Variants in KLHL14 observed in about 807,000 individuals in gnomAD.
KLHL14 encodes kelch like family member 14.
In KLHL14, 22 loss-of-function variants were observed where a neutral mutation model predicts 64.3. The observed-to-expected ratio is 0.34, with a 90% CI of 0.24 to 0.49. The LOEUF (loss-of-function observed/expected upper bound fraction) is 0.49, where lower values mean the gene tolerates loss of function less well. Ranked by LOEUF, KLHL14 falls within the 20% of genes least tolerant of loss-of-function variation. The pLI is 0.99. For missense variants in KLHL14, 661 were observed against 789.0 expected, an observed-to-expected ratio of 0.84 and a Z score of 1.94; for synonymous variants, 322 against 333.4, an observed-to-expected ratio of 0.97 and a Z score of 0.37.
intron 5 of KLHL14, among the ~76,000 whole-genome samples, chr18:32,682,532 G>A (rs577650669): frequency 6.6e-6 from 1 of 152,152 alleles, no homozygotes; most frequent in African/African-American, 2.4e-5. Context: ...ATTTTTTGGA[G>A]GAAGCTTTTT....
chr18:32,673,843 C>G lies in KLHL14; in HGVS notation c.*814G>C, dbSNP rs1011760344. 6.6e-6 allele frequency: 1 copy of G among 152,064 alleles called. No homozygotes were observed. Among genetic ancestry groups the G allele is most frequent in the African/African-American group, 2.4e-5 (1 of 41,408 alleles). The allele number at this position is 152,064 out of a possible 1,614,324, so 9.4% of individuals were successfully genotyped here. ...ATAGTATTGACTGAATTTGTCAATC[C>G]TGTCTTTTGAAGTAAATAACATGTG... On this transcript the variant is annotated 3_prime_UTR_variant, in exon 9 of 9. Transcript: ENST00000359358.
intron 3 of KLHL14, among the ~76,000 whole-genome samples, chr18:32,725,733 C>A (rs1312502047): frequency 6.6e-6 from 1 of 152,216 alleles, no homozygotes; most frequent in Non-Finnish European, 1.5e-5. Flanking sequence ...TTCAGAATAG[C>A]ATCTGCCTCT....
chr18:32,765,936 C>T (rs1404391477), intron 2 of KLHL14, among the ~76,000 whole-genome samples: 2 of 151,920 alleles, frequency 1.3e-5, no homozygotes, highest in African/African-American at 2.4e-5. Flanking sequence ...AACTACACTT[C>T]GATATGGAAC....
chr18:32,716,240 C>T (rs2050044549), intron 3 of KLHL14, among the ~76,000 whole-genome samples: 1 of 152,114 alleles, frequency 6.6e-6, no homozygotes, highest in Admixed American at 6.6e-5. Flanking sequence ...TCAGTTACCT[C>T]CTTTCAACCT....
chr18:32,721,359 T>C (rs2050079161), intron 3 of KLHL14, among the ~76,000 whole-genome samples: 1 of 152,204 alleles, frequency 6.6e-6, no homozygotes, highest in African/African-American at 2.4e-5. Context: ...GATACCCCTG[T>C]GCCACTTGTC....
rs2049801120 is a variant in KLHL14, at chr18:32,674,510, T to C, written c.*147A>G. ...GTATCTGTTCAAGAACAGGTCTCTT[T>C]CTTTTGTAGTTACTTATAAATCATC... On this transcript the variant is annotated 3_prime_UTR_variant, in exon 9 of 9. Transcript: ENST00000359358. 2 of 637,538 alleles carry C rather than the reference T, an allele frequency of 3.1e-6. No individual in the cohort carries two copies. The highest frequency in any genetic ancestry group is 4.8e-5 in the Admixed American group (2 of 42,006). The allele number at this position is 637,538 out of a possible 1,614,324, so 39.5% of individuals were successfully genotyped here.
At chr18:32,728,969 C>T (rs535921018) in intron 3 of KLHL14, among the ~76,000 whole-genome samples, 2 of 152,178 alleles carry the variant, frequency 1.3e-5, no homozygotes, top group Non-Finnish European at 2.9e-5. Flanking sequence ...ACCTTCATTT[C>T]GGCTAGTTTG....
At chr18:32,734,083 G>C in intron 3 of KLHL14, 1 of 688,502 alleles carries the variant, frequency 1.5e-6, no homozygotes, top group East Asian at 2.7e-5. Context: ...GGAGAGGTGA[G>C]AGCGCTTTGA....
intron 3 of KLHL14, among the ~76,000 whole-genome samples, chr18:32,732,203 G>A (rs536484437): frequency 1.3e-5 from 2 of 152,246 alleles, no homozygotes; most frequent in East Asian, 3.9e-4. Flanking sequence ...CTGCCTGAGA[G>A]ACAGAGCAAG....
chr18:32,701,240 C>T (rs889743367), intron 3 of KLHL14, among the ~76,000 whole-genome samples: 9 of 152,066 alleles, frequency 5.9e-5, no homozygotes, highest in East Asian at 1.9e-4. Context: ...CACAACTGAA[C>T]GAGGCAGACA....
chr18:32,750,834 C>T (rs1403524114), intron 2 of KLHL14, among the ~76,000 whole-genome samples: 1 of 152,094 alleles, frequency 6.6e-6, no homozygotes, highest in Non-Finnish European at 1.5e-5. Context: ...GCTTTCTGAC[C>T]CCCATCCCCA....
chr18:32,676,368 T>C (rs1257422711), intron 8 of KLHL14, among the ~76,000 whole-genome samples: 1 of 152,186 alleles, frequency 6.6e-6, no homozygotes, highest in Non-Finnish European at 1.5e-5. Flanking sequence ...TTGCAAGAGA[T>C]ATATGAGACA....
intron 2 of KLHL14, among the ~76,000 whole-genome samples, chr18:32,748,288 C>T (rs2050233892): frequency 6.6e-6 from 1 of 152,080 alleles, no homozygotes; most frequent in Non-Finnish European, 1.5e-5. Context: ...GATCTCGGCT[C>T]ATTGCAACCT....
intron 3 of KLHL14, among the ~76,000 whole-genome samples, chr18:32,731,250 T>G (rs943895092): frequency 6.6e-6 from 1 of 152,268 alleles, no homozygotes; most frequent in African/African-American, 2.4e-5. Context: ...GTACTTTGCC[T>G]TCATTACGTC....
In KLHL14 at chr18:32,683,494, TG is replaced by T. The variant is rs1173773932; in HGVS notation, c.1239-2896del. 1.3e-5 allele frequency among the ~76,000 whole-genome samples: 2 copies of T among 152,194 alleles called. No individual in the cohort carries two copies. The highest frequency in any genetic ancestry group is 4.8e-5 in the African/African-American group (2 of 41,454). On this transcript the variant is annotated intron_variant, in intron 5 of 8. Coordinates refer to ENST00000359358, the MANE Select transcript of KLHL14 (RefSeq NM_020805.3). The surrounding 1 kb of genome is among the most constrained non-coding windows in gnomAD (Gnocchi z 4.2). Reference sequence around the variant, plus strand: ...CCAGGTCTCTCTTGACAATGCTCCCTGCCCCTCTTCGCCACATGAAGAACAT... The same window carrying T: ...CCAGGTCTCTCTTGACAATGCTCCCTCCCCTCTTCGCCACATGAAGAACAT...
intron 2 of KLHL14, among the ~76,000 whole-genome samples, chr18:32,761,131 C>T (rs1045020713): frequency 6.6e-6 from 1 of 152,182 alleles, no homozygotes; most frequent in African/African-American, 2.4e-5. Context: ...ACAAATGCTG[C>T]TAAGTATTTA....
intron 3 of KLHL14, among the ~76,000 whole-genome samples, chr18:32,705,671 C>A (rs559525786): frequency 6.6e-6 from 1 of 151,920 alleles, no homozygotes; most frequent in Non-Finnish European, 1.5e-5. Context: ...TATAATGAGC[C>A]GAGATCACAC....
chr18:32,684,362 T>C (rs936071291), intron 5 of KLHL14, among the ~76,000 whole-genome samples: 2 of 152,202 alleles, frequency 1.3e-5, no homozygotes, highest in Non-Finnish European at 2.9e-5. Context: ...CTGCACTTTT[T>C]CTCTATTCTT....
At chr18:32,756,972 G>A (rs1000345560) in intron 2 of KLHL14, among the ~76,000 whole-genome samples, 2 of 152,146 alleles carry the variant, frequency 1.3e-5, no homozygotes, top group Admixed American at 6.5e-5. Context: ...ATAATACCTT[G>A]TCTCCCTGAA....
Sources: gnomAD v4.1 joint callset for allele counts (sites outside exome capture counted in the v4.1 genomes callset) on GRCh38, gnomAD v4.1.1 for gene constraint, Gnocchi (gnomAD v3.1) non-coding constraint, MANE v1.5 for transcripts, NCBI Gene and HGNC (gene_info 2026-07-23, HGNC 2026-07-21) for gene names.